The following NALF1 variants were observed in gnomAD, a reference collection of about 807,000 sequenced individuals.
NALF1 encodes family with sequence similarity 155 member A.
In NALF1, 3 loss-of-function variants were observed where a neutral mutation model predicts 48.4. The ratio of observed to expected loss-of-function variants is 0.06; its 90% confidence interval spans 0.03 to 0.16. The LOEUF (loss-of-function observed/expected upper bound fraction) is 0.16, where lower values mean the gene tolerates loss of function less well. NALF1 is among the 10% of genes least tolerant of loss of function. NALF1 has a pLI of 1.00. For missense variants in NALF1, 526 were observed against 571.5 expected (o/e 0.92, Z 0.81); for synonymous variants, 262 against 245.7 (o/e 1.07, Z -0.62).
intron 1 of NALF1, chr13:107,835,371 G>T (rs892610764): frequency 1.3e-5 from 2 of 152,074 alleles, no homozygotes; most frequent in Non-Finnish European, 2.9e-5. Flanking sequence ...AACTCTCACA[G>T]ACAAGGCTCT....
chr13:107,492,580 T>A (rs1287940904), intron 1 of NALF1, among the ~76,000 whole-genome samples: 1 of 152,176 alleles, frequency 6.6e-6, no homozygotes, highest in Non-Finnish European at 1.5e-5. Flanking sequence ...TGCTATGATA[T>A]CCTATCCATA....
intron 1 of NALF1, among the ~76,000 whole-genome samples, chr13:107,475,519 T>C (rs1594083381): frequency 6.6e-6 from 1 of 152,172 alleles, no homozygotes; most frequent in East Asian, 1.9e-4. Flanking sequence ...ACTGGATTAT[T>C]TGAGGGAGAA....
intron 1 of NALF1, among the ~76,000 whole-genome samples, chr13:107,340,859 CA>C (rs1240477376): frequency 1.3e-5 from 2 of 152,172 alleles, no homozygotes; most frequent in Admixed American, 6.5e-5. Context: ...GACAGCCTTT[CA>C]ACAACTATAT....
intron 1 of NALF1, among the ~76,000 whole-genome samples, chr13:107,247,639 A>T (rs556597459): frequency 6.6e-6 from 1 of 152,358 alleles, no homozygotes; most frequent in East Asian, 1.9e-4. Flanking sequence ...AGCTTTCTAC[A>T]TCTTAAGGGA....
At chr13:107,643,842 A>T (rs1880230686) in intron 1 of NALF1, among the ~76,000 whole-genome samples, 1 of 152,084 alleles carries the variant, frequency 6.6e-6, no homozygotes, top group Non-Finnish European at 1.5e-5. Flanking sequence ...CTTCCTGTGC[A>T]GCCTCAAGGG....
chr13:107,374,251 C>T (rs61965861), intron 1 of NALF1, among the ~76,000 whole-genome samples: 65,546 of 151,952 alleles, frequency 0.43, 15,149 homozygotes, highest in East Asian at 0.68. Context: ...AGCTTGCTTA[C>T]ATCATCCCTC....
chr13:107,756,456 A>ATATATATATATATATATAT (rs1877099055), intron 1 of NALF1, among the ~76,000 whole-genome samples: 4 of 110,802 alleles, frequency 3.6e-5, no homozygotes, highest in African/African-American at 1.6e-4. Flanking sequence ...TATATATATA[A>ATATATATATATATATATAT]AGCATAAATA....
chr13:107,580,470 C>T (rs1021290823), intron 1 of NALF1, among the ~76,000 whole-genome samples: 3 of 152,258 alleles, frequency 2.0e-5, no homozygotes, highest in Middle Eastern at 3.4e-3. Flanking sequence ...GCACCTCTCC[C>T]ACAGGTCTGC....
intron 1 of NALF1, among the ~76,000 whole-genome samples, chr13:107,841,428 G>C (rs1880039967): frequency 6.6e-6 from 1 of 151,976 alleles, no homozygotes; most frequent in Non-Finnish European, 1.5e-5. Context: ...GCTCTTCAAG[G>C]GTATTTTGCT....
chr13:107,784,651 C>G (rs748662838), intron 1 of NALF1, among the ~76,000 whole-genome samples: 1 of 152,008 alleles, frequency 6.6e-6, no homozygotes, highest in Non-Finnish European at 1.5e-5. Context: ...TGAAAAAATG[C>G]TCAACATCAT....
At chr13:107,647,589 A>C (rs1043133807) in intron 1 of NALF1, among the ~76,000 whole-genome samples, 1 of 152,106 alleles carries the variant, frequency 6.6e-6, no homozygotes. Context: ...AAAATTAATA[A>C]ACTTTTGTAT....
chr13:107,288,011 T>C (rs1457055561), intron 1 of NALF1, among the ~76,000 whole-genome samples: 1 of 151,394 alleles, frequency 6.6e-6, no homozygotes, highest in Non-Finnish European at 1.5e-5. Flanking sequence ...CCTGGCCATG[T>C]TTCTGTGTCT....
intron 1 of NALF1, among the ~76,000 whole-genome samples, chr13:107,227,096 A>C (rs1307651043): frequency 1.3e-5 from 2 of 152,240 alleles, no homozygotes; most frequent in African/African-American, 4.8e-5. Flanking sequence ...CACCATCAGA[A>C]TAGCACAGAA....
chr13:107,736,899 T>G (rs181392520), intron 1 of NALF1, among the ~76,000 whole-genome samples: 1 of 152,214 alleles, frequency 6.6e-6, no homozygotes, highest in East Asian at 1.9e-4. Context: ...ATATTAACAT[T>G]GTTTTTCCTA....
chr13:107,202,152 G>A (rs1245747705), intron 2 of NALF1, among the ~76,000 whole-genome samples: 1 of 151,850 alleles, frequency 6.6e-6, no homozygotes, highest in Non-Finnish European at 1.5e-5. Flanking sequence ...CATCAGTGCT[G>A]CTATGCCTAA....
intron 1 of NALF1, among the ~76,000 whole-genome samples, chr13:107,254,027 C>T (rs377683068): frequency 2.1e-5 from 3 of 143,002 alleles, no homozygotes; most frequent in East Asian, 4.0e-4. Flanking sequence ...AAGTAGTTCT[C>T]TTTTATAACA....
intron 1 of NALF1, among the ~76,000 whole-genome samples, chr13:107,598,091 G>A (rs1389418302): frequency 2.6e-5 from 4 of 152,082 alleles, no homozygotes; most frequent in Non-Finnish European, 5.9e-5. Flanking sequence ...ATGCCTAGAT[G>A]GTAAAACCTA....
At chr13:107,611,715 T>C (rs779925810) in intron 1 of NALF1, among the ~76,000 whole-genome samples, 1 of 150,822 alleles carries the variant, frequency 6.6e-6, no homozygotes, top group African/African-American at 2.4e-5. Flanking sequence ...ACCAAATTTC[T>C]ACAAAAAGTA....
chr13:107,797,508 C>G (rs1878465899), intron 1 of NALF1, among the ~76,000 whole-genome samples: 1 of 152,172 alleles, frequency 6.6e-6, no homozygotes, highest in Non-Finnish European at 1.5e-5. Flanking sequence ...CGCGCCCGGC[C>G]CACCTCCTGT....
Sources: allele counts gnomAD v4.1 joint callset (sites outside exome capture counted in the v4.1 genomes callset), GRCh38; gene constraint gnomAD v4.1.1; transcripts MANE v1.5; gene names NCBI Gene and HGNC (gene_info 2026-07-23, HGNC 2026-07-21).